PSME4: variants seen among roughly 807,000 people sequenced by gnomAD.
The protein encoded by PSME4 is proteasome activator complex subunit 4.
PSME4 carries 89 observed loss-of-function variants against 253.9 expected under a neutral mutation model. The observed-to-expected ratio is 0.35, with a 90% CI of 0.30 to 0.42. The LOEUF (loss-of-function observed/expected upper bound fraction) is 0.42. Among genes scored for constraint, PSME4 ranks in the 10% least tolerant of loss-of-function variants. PSME4 has a pLI of 1.00. For missense variants in PSME4, 2,014 were observed against 2,195.2 expected, an observed-to-expected ratio of 0.92 and a Z score of 1.65; for synonymous variants, 851 against 759.2, an observed-to-expected ratio of 1.12 and a Z score of -1.99.
intron 3 of PSME4, among the ~76,000 whole-genome samples, chr2:53,942,676 TAATA>T (rs1289510179): frequency 6.6e-6 from 1 of 152,202 alleles, no homozygotes; most frequent in African/African-American, 2.4e-5. Flanking sequence ...GAATTAAGGA[TAATA>T]AATGTTAATT....
intron 1 of PSME4, among the ~76,000 whole-genome samples, chr2:53,950,629 G>A (rs1669931120): frequency 6.6e-6 from 1 of 151,948 alleles, no homozygotes; most frequent in East Asian, 1.9e-4. Context: ...ATTACCTGAG[G>A]TCAGGAGTTT....
At chr2:53,916,680 T>A (rs1668077939) in intron 20 of PSME4, among the ~76,000 whole-genome samples, 1 of 152,174 alleles carries the variant, frequency 6.6e-6, no homozygotes, top group South Asian at 2.1e-4. Flanking sequence ...TATATTAAAA[T>A]AAGCATTTTA....
At chr2:53,966,803 G>C (rs1206584548) in intron 1 of PSME4, among the ~76,000 whole-genome samples, 2 of 152,132 alleles carry the variant, frequency 1.3e-5, no homozygotes, top group East Asian at 3.9e-4. Context: ...AGATTCAAGC[G>C]ATTCTCCTGC....
At chr2:53,905,249 G>C (rs1439752378) in intron 26 of PSME4, among the ~76,000 whole-genome samples, 1 of 151,710 alleles carries the variant, frequency 6.6e-6, no homozygotes, top group African/African-American at 2.4e-5. Flanking sequence ...GGCTGGTCTT[G>C]AACTGATCTC....
At chr2:53,912,617 C>T (rs1451056479) in intron 20 of PSME4, among the ~76,000 whole-genome samples, 2 of 152,100 alleles carry the variant, frequency 1.3e-5, no homozygotes, top group African/African-American at 2.4e-5. Flanking sequence ...CACACCACCT[C>T]GCCAGCTAAT....
At chr2:53,917,128 T>C (rs1668096655) in intron 20 of PSME4, 1 of 151,142 alleles carries the variant, frequency 6.6e-6, no homozygotes, top group Admixed American at 6.6e-5. Flanking sequence ...TTAATATAGA[T>C]TTTTATTACT....
intron 45 of PSME4, 79 bp downstream of exon 45, chr2:53,866,668 T>A: frequency 1.4e-6 from 2 of 1,447,852 alleles, no homozygotes; most frequent in South Asian, 2.7e-5. Flanking sequence ...TAGTTCAGAG[T>A]GTATAGGAAA....
chr2:53,933,652 G>A (rs1668964705), intron 8 of PSME4, among the ~76,000 whole-genome samples: 2 of 152,194 alleles, frequency 1.3e-5, no homozygotes, highest in Admixed American at 1.3e-4. Context: ...AAAGTGCTAG[G>A]ATTACAGATG....
At chr2:53,921,597 G>A (rs1240361666) in intron 17 of PSME4, among the ~76,000 whole-genome samples, 5 of 147,678 alleles carry the variant, frequency 3.4e-5, no homozygotes, top group Non-Finnish European at 7.5e-5. Flanking sequence ...GGCCGGGCGC[G>A]GTGGCTCACG....
chr2:53,941,262 G>A (rs1201535482), intron 3 of PSME4, among the ~76,000 whole-genome samples: 1 of 144,806 alleles, frequency 6.9e-6, no homozygotes, highest in Non-Finnish European at 1.5e-5. Context: ...ATTAACTGAA[G>A]AGGCAACTAG....
chr2:53,904,588 C>G (rs191922542), intron 26 of PSME4, among the ~76,000 whole-genome samples: 1 of 152,198 alleles, frequency 6.6e-6, no homozygotes, highest in South Asian at 2.1e-4. Flanking sequence ...AACAACTTAA[C>G]CCTTTTAAGG....
In PSME4 at chr2:53,876,713, A is replaced by ATTTTTTTTTTTTTTTTTTTTTT. The variant is rs1224675454; in HGVS notation, c.4816-959_4816-958insAAAAAAAAAAAAAAAAAAAAAA. ...AAATCTGATGGCTGTAGCCACTGTC[A>ATTTTTTTTTTTTTTTTTTTTTT]TTCTTTTTTTTTTTTTTTTTTTTGA... is the stretch of plus-strand genomic sequence containing the variant. On this transcript the variant is annotated intron_variant, in intron 41 of 46. Coordinates refer to ENST00000404125, the MANE Select transcript of PSME4 (RefSeq NM_014614.3). Among the ~76,000 whole-genome samples, 5 of 77,192 alleles carry ATTTTTTTTTTTTTTTTTTTTTT rather than the reference A, an allele frequency of 6.5e-5. 1 individual carries two copies. Among genetic ancestry groups the ATTTTTTTTTTTTTTTTTTTTTT allele is most frequent in the African/African-American group, 1.4e-4 (3 of 21,110 alleles). 50.6% of individuals were successfully genotyped at this position (77,192 alleles called of 152,430 possible).
At chr2:53,873,029 A>G (rs1028446728) in intron 43 of PSME4, among the ~76,000 whole-genome samples, 2 of 151,924 alleles carry the variant, frequency 1.3e-5, no homozygotes, top group African/African-American at 2.4e-5. Flanking sequence ...TCACGAGGTC[A>G]GGAGATCGAG....
chr2:53,970,712 C>G lies in PSME4; in HGVS notation c.73G>C (p.Gly25Arg). 1 of 1,548,512 alleles carries G rather than the reference C, an allele frequency of 6.5e-7. No individual in the cohort carries two copies. The highest frequency in any genetic ancestry group is 8.7e-7 in the Non-Finnish European group (1 of 1,146,292). ...PGGRPEPGPR[G>R]FVPQKEIVYN... ...ACGATCTCCTTCTGCGGGACGAAGC[C>G]CCGCGGGCCCGGCTCGGGACGCCCG... Residue 25 changes from glycine (G) to arginine (R), a missense_variant, in exon 1 of 47, where the codon GGC (glycine) becomes CGC (arginine). Physicochemically the swap from Gly to Arg is moderately radical, Grantham distance 125. Transcript: ENST00000404125.
In PSME4 at chr2:53,885,623, G is replaced by T. The variant is rs138987959; in HGVS notation, c.4815+67C>A. The stretch of plus-strand genomic sequence containing the variant: ...ACTGTCTGAAGAACTTCAACCATCA[G>T]ATGATGAACACAAATTCCTTATGAA... On this transcript the variant is annotated intron_variant, in intron 41 of 46. Coordinates refer to ENST00000404125, the MANE Select transcript of PSME4 (RefSeq NM_014614.3). 1.8e-3 allele frequency: 2,096 copies of T among 1,192,764 alleles called. 1 individual carries two copies. The highest frequency in any genetic ancestry group is 2.3e-3 in the Non-Finnish European group (1,889 of 814,142). The allele number at this position is 1,192,764 out of a possible 1,614,324, so 73.9% of individuals were successfully genotyped here. A position where few individuals can be genotyped will look rare whatever the true frequency, so the allele number is the denominator to read the frequency against.
rs1417830243 is a variant in PSME4, at chr2:53,948,535, T to C, written c.386A>G (p.Lys129Arg). Reference protein sequence around the residue: ...FARLLINLLKKKELLSRADLE... With the variant: ...FARLLINLLKRKELLSRADLE... ...ATCAGCTCTTGAAAGAAGTTCCTTT[T>C]TCCTAAAAAGTAAAATAAAATAAAT... Residue 129 changes from lysine to arginine, a missense_variant and splice_region_variant, in exon 3 of 47, where the codon AAA becomes AGA. Physicochemically the swap from Lys to Arg is conservative, Grantham distance 26. Around this residue, in one of 4 missense-constraint regions of PSME4, gnomAD observed 615 missense variants for 594.4 expected, o/e 1.03. Transcript: ENST00000404125. 6.3e-7 allele frequency: 1 copy of C among 1,592,386 alleles called. No individual in the cohort carries two copies. The highest frequency in any genetic ancestry group is 8.6e-7 in the Non-Finnish European group (1 of 1,160,614).
chr2:53,970,105 G>A (rs959957190), intron 1 of PSME4, among the ~76,000 whole-genome samples: 1 of 152,202 alleles, frequency 6.6e-6, no homozygotes, highest in African/African-American at 2.4e-5. Context: ...GGGGATCGTA[G>A]GGGAAGGAAG....
intron 10 of PSME4, among the ~76,000 whole-genome samples, chr2:53,930,504 TC>T (rs1232856560): frequency 6.6e-6 from 1 of 152,108 alleles, no homozygotes; most frequent in Admixed American, 6.5e-5. Context: ...CTGCCTATCT[TC>T]CCCCACTCCA....
intron 14 of PSME4, 27 bp from the exon 15 acceptor site, chr2:53,923,446 A>T (rs200619825): frequency 6.5e-7 from 1 of 1,549,470 alleles, no homozygotes; most frequent in Non-Finnish European, 8.7e-7. Flanking sequence ...ATGTTTAATG[A>T]GCATTTTTTA....
Sources: gnomAD v4.1 joint callset for allele counts (sites outside exome capture counted in the v4.1 genomes callset) on GRCh38, gnomAD v4.1.1 for gene constraint, gnomAD v4.1.1 regional missense constraint, MANE v1.5 for transcripts, NCBI Gene and HGNC (gene_info 2026-07-23, HGNC 2026-07-21) for gene names.